BMPR1B: variants seen among roughly 807,000 people sequenced by gnomAD.
BMPR1B encodes bone morphogenetic protein receptor type 1B, also known as bone morphogenetic protein receptor type-1B.
A neutral mutation model predicts 59.1 loss-of-function variants in BMPR1B; 12 were observed. That is an observed-to-expected ratio of 0.20 (90% confidence interval 0.13 to 0.33). The LOEUF is 0.33. Ranked by LOEUF, BMPR1B falls within the 10% of genes least tolerant of loss-of-function variation. The probability of loss-of-function intolerance (pLI) is 1.00; values close to 1 mark genes in which losing one functional copy is unlikely to be tolerated. For missense variants in BMPR1B, 550 were observed against 610.9 expected, an observed-to-expected ratio of 0.90 and a Z score of 1.05; for synonymous variants, 237 against 207.3, an observed-to-expected ratio of 1.14 and a Z score of -1.23.
chr4:94,834,824 T>A (rs12512031), intron 1 of BMPR1B, among the ~76,000 whole-genome samples: 18,350 of 152,126 alleles, frequency 0.12, 1,155 homozygotes, highest in Non-Finnish European at 0.13. Flanking sequence ...ACTTTAGGTA[T>A]TTTAATAACA....
At chr4:94,936,870 T>C (rs1729323574) in intron 2 of BMPR1B, among the ~76,000 whole-genome samples, 1 of 152,104 alleles carries the variant, frequency 6.6e-6, no homozygotes, top group Non-Finnish European at 1.5e-5. Context: ...AGATCCTCAC[T>C]GTTTCTCAGA....
At chr4:94,769,626 T>G (rs1271935361) in intron 1 of BMPR1B, among the ~76,000 whole-genome samples, 4 of 150,780 alleles carry the variant, frequency 2.7e-5, no homozygotes, top group Admixed American at 1.3e-4. Flanking sequence ...AAAAAAAAAT[T>G]GACAGATGAT....
At chr4:95,136,952 G>A (rs1733840434) in intron 10 of BMPR1B, among the ~76,000 whole-genome samples, 2 of 152,062 alleles carry the variant, frequency 1.3e-5, no homozygotes, top group African/African-American at 4.8e-5. Context: ...CCTTCTGCTA[G>A]CTTTTGAATG....
At chr4:94,913,830 C>T (rs989048019) in intron 2 of BMPR1B, among the ~76,000 whole-genome samples, 1 of 152,110 alleles carries the variant, frequency 6.6e-6, no homozygotes, top group Non-Finnish European at 1.5e-5. Flanking sequence ...ATCATCATAG[C>T]CACTAGCCAT....
intron 3 of BMPR1B, among the ~76,000 whole-genome samples, chr4:95,000,250 C>G (rs112810776): frequency 2.3e-3 from 1 of 434 alleles, no homozygotes; most frequent in Non-Finnish European, 0.01. Flanking sequence ...TGAATTGTAT[C>G]TCTGTCTTAG....
intron 10 of BMPR1B, among the ~76,000 whole-genome samples, chr4:95,138,326 G>C (rs1187898400): frequency 6.6e-6 from 1 of 152,124 alleles, no homozygotes; most frequent in Non-Finnish European, 1.5e-5. Context: ...CTTTCTCTCT[G>C]ACTGCCCTTA....
chr4:95,016,840 T>C (rs992434044), intron 3 of BMPR1B, among the ~76,000 whole-genome samples: 17 of 152,154 alleles, frequency 1.1e-4, no homozygotes, highest in Non-Finnish European at 2.4e-4. Flanking sequence ...CCACAATATA[T>C]GTAACTATAT....
At chr4:95,041,879 G>A (rs1725680621) in intron 3 of BMPR1B, among the ~76,000 whole-genome samples, 1 of 151,628 alleles carries the variant, frequency 6.6e-6, no homozygotes, top group Non-Finnish European at 1.5e-5. Context: ...TTTTGAGACG[G>A]AGTCTTGCTC....
intron 2 of BMPR1B, among the ~76,000 whole-genome samples, chr4:94,944,803 A>C (rs948156701): frequency 2.0e-5 from 3 of 152,190 alleles, no homozygotes; most frequent in African/African-American, 7.2e-5. Flanking sequence ...TGCAACCTGT[A>C]TACCTACATT....
chr4:95,150,202 G>C (rs7664562), intron 11 of BMPR1B, among the ~76,000 whole-genome samples: 97,049 of 151,982 alleles, frequency 0.64, 31,520 homozygotes, highest in Middle Eastern at 0.74. Context: ...ACTATTTTGT[G>C]CAAAAGGAAA....
At position 94,782,039 on chromosome 4, in the gene BMPR1B, C is replaced by T. The variant is rs1258721690; in HGVS notation, c.-183+23971C>T. 3.3e-5 allele frequency among the ~76,000 whole-genome samples: 5 copies of T among 150,878 alleles called. No individual in the cohort carries two copies. In the South Asian group the frequency reaches 1.0e-3, roughly 31 times the overall value. Reference sequence around the variant, plus strand: ...GGATTATTGTTTTTAATTAATGTTTCATTAAACTGGGAGTTTTCAGCTCTT... The same window carrying T: ...GGATTATTGTTTTTAATTAATGTTTTATTAAACTGGGAGTTTTCAGCTCTT... On this transcript the variant is annotated intron_variant, in intron 1 of 12. Coordinates refer to ENST00000515059, the MANE Select transcript of BMPR1B (RefSeq NM_001203.3).
intron 2 of BMPR1B, among the ~76,000 whole-genome samples, chr4:94,939,161 A>G (rs1169182532): frequency 1.3e-5 from 2 of 152,162 alleles, no homozygotes; most frequent in African/African-American, 4.8e-5. Flanking sequence ...ACTTTCAGCA[A>G]AGGATGAAGG....
At chr4:94,873,544 C>G (rs1488623005) in intron 1 of BMPR1B, among the ~76,000 whole-genome samples, 3 of 151,846 alleles carry the variant, frequency 2.0e-5, no homozygotes, top group Admixed American at 2.0e-4. Context: ...GTAGCTGGGA[C>G]TACAGGCGTG....
chr4:94,998,830 A>C (rs548296150), intron 3 of BMPR1B, among the ~76,000 whole-genome samples: 8 of 152,152 alleles, frequency 5.3e-5, no homozygotes, highest in Admixed American at 2.0e-4. Context: ...GTTCTATATT[A>C]ATCTTCTGCC....
chr4:94,959,482 G>A (rs1280380645), intron 2 of BMPR1B, among the ~76,000 whole-genome samples: 1 of 152,106 alleles, frequency 6.6e-6, no homozygotes, highest in Admixed American at 6.6e-5. Context: ...GAGTCAGTAA[G>A]CATTTTGCAG....
At chr4:95,097,861 T>C (rs985738060) in intron 3 of BMPR1B, among the ~76,000 whole-genome samples, 2 of 152,188 alleles carry the variant, frequency 1.3e-5, no homozygotes, top group African/African-American at 4.8e-5. Flanking sequence ...AAAAACTTTT[T>C]TGTAGATTTT....
intron 2 of BMPR1B, among the ~76,000 whole-genome samples, chr4:94,891,305 T>C (rs1366229532): frequency 6.6e-6 from 1 of 152,070 alleles, no homozygotes; most frequent in African/African-American, 2.4e-5. Context: ...TTTTGAATAT[T>C]ATGAGAAGTA....
In BMPR1B at chr4:94,835,509, G is replaced by A. The variant is rs55958109; in HGVS notation, c.-182-40322G>A. 1.5e-3 allele frequency among the ~76,000 whole-genome samples: 221 copies of A among 152,248 alleles called. 2 individuals are homozygous for A. The highest frequency in any genetic ancestry group is 2.4e-3 in the Non-Finnish European group (165 of 68,022). ...AATGACCCTGTAATAAGCTTAACAA[G>A]TGTTCAGGATCGCAATAAATTATAT... is the stretch of plus-strand genomic sequence containing the variant. On this transcript the variant is annotated intron_variant, in intron 1 of 12. Transcript: ENST00000515059.
intron 2 of BMPR1B, among the ~76,000 whole-genome samples, chr4:94,903,279 C>G (rs1247905840): frequency 6.6e-6 from 1 of 151,772 alleles, no homozygotes; most frequent in Admixed American, 6.6e-5. Flanking sequence ...CTTTTTTATC[C>G]CCGAGTCCCA....
Sources: allele counts gnomAD v4.1 joint callset (sites outside exome capture counted in the v4.1 genomes callset), GRCh38; gene constraint gnomAD v4.1.1; transcripts MANE v1.5; gene names NCBI Gene and HGNC (gene_info 2026-07-23, HGNC 2026-07-21).